Variants in DPYD observed in about 807,000 individuals in gnomAD.
DPYD encodes dihydropyrimidine dehydrogenase.
Under a neutral mutation model 116.2 loss-of-function variants are expected in DPYD, and 109 were observed. The observed-to-expected ratio is 0.94, with a 90% CI of 0.80 to 1.10. The LOEUF (loss-of-function observed/expected upper bound fraction) is 1.10. Among genes scored for constraint, DPYD ranks in the 50% least tolerant of loss-of-function variants. DPYD has a pLI of 0.00. For synonymous variants in DPYD, 440 were observed against 432.0 expected, an observed-to-expected ratio of 1.02 and a Z score of -0.23; for missense variants, 1,302 against 1,254.5, an observed-to-expected ratio of 1.04 and a Z score of -0.57.
chr1:97,580,051 T>C (rs1653534270), intron 10 of DPYD, among the ~76,000 whole-genome samples: 1 of 152,212 alleles, frequency 6.6e-6, no homozygotes. Flanking sequence ...CATCATACTC[T>C]AGAAATTATG....
intron 3 of DPYD, among the ~76,000 whole-genome samples, chr1:97,768,009 T>C (rs1390289333): frequency 6.6e-6 from 1 of 152,120 alleles, no homozygotes; most frequent in African/African-American, 2.4e-5. Flanking sequence ...TAGAAGAGTA[T>C]CTGATTTTTA....
intron 17 of DPYD, among the ~76,000 whole-genome samples, chr1:97,305,617 G>A (rs74104345): frequency 1.5e-3 from 224 of 152,000 alleles, no homozygotes; most frequent in African/African-American, 5.3e-3. Flanking sequence ...GTTACCAAAT[G>A]TTTTGTATTT....
chr1:97,205,897 C>A (rs1205743283), intron 19 of DPYD, among the ~76,000 whole-genome samples: 6 of 152,050 alleles, frequency 3.9e-5, no homozygotes, highest in Admixed American at 2.6e-4. Context: ...TCTTGTTGAA[C>A]TCTCACACAA....
At chr1:97,444,549 T>C (rs915255522) in intron 14 of DPYD, among the ~76,000 whole-genome samples, 1 of 152,174 alleles carries the variant, frequency 6.6e-6, no homozygotes, top group Non-Finnish European at 1.5e-5. Flanking sequence ...GTGTATGTAG[T>C]AGAATCAATT....
chr1:97,458,170 T>A (rs565175926), intron 13 of DPYD, among the ~76,000 whole-genome samples: 90 of 152,174 alleles, frequency 5.9e-4, no homozygotes, highest in Non-Finnish European at 1.0e-3. Context: ...TATCTTCAAG[T>A]ATTAGAGCAG....
intron 4 of DPYD, 90 bp downstream of exon 4, chr1:97,740,302 G>T: frequency 9.1e-7 from 1 of 1,093,296 alleles, no homozygotes; most frequent in African/African-American, 1.5e-5. Flanking sequence ...AACTGGATTT[G>T]CTAAGACAAG....
At chr1:97,282,461 T>A (rs1570419895) in intron 18 of DPYD, among the ~76,000 whole-genome samples, 1 of 152,106 alleles carries the variant, frequency 6.6e-6, no homozygotes, top group African/African-American at 2.4e-5. Context: ...AATATTATTT[T>A]ATGACTCTAA....
At chr1:97,834,811 T>C (rs1669690023) in intron 2 of DPYD, among the ~76,000 whole-genome samples, 1 of 151,120 alleles carries the variant, frequency 6.6e-6, no homozygotes, top group Non-Finnish European at 1.5e-5. Context: ...TTCTGGAAAA[T>C]GTTGTATCTT....
intron 16 of DPYD, among the ~76,000 whole-genome samples, chr1:97,309,331 T>TTGTG (rs59669909): frequency 0.23 from 33,778 of 147,434 alleles, 3,878 homozygotes; most frequent in Middle Eastern, 0.28. Flanking sequence ...GTTGCTTGTC[T>TTGTG]TGTGTGTGTG....
At position 97,494,559 on chromosome 1, in the gene DPYD, A is replaced by G. The variant is rs544224657; in HGVS notation, c.1740+21167T>C. Among the ~76,000 whole-genome samples the G allele has an allele frequency of 3.0e-4, 45 of 152,196 alleles. 1 individual carries two copies. The South Asian group carries it at 7.1e-3, about 24-fold the overall frequency. On this transcript the variant is annotated intron_variant, in intron 13 of 22. Transcript: ENST00000370192. Reference sequence around the variant, plus strand: ...GAACACAACTTTAAGCCTGGGCAACATGGCAAGACCCCAAATCTATGAAAA... The same window carrying G: ...GAACACAACTTTAAGCCTGGGCAACGTGGCAAGACCCCAAATCTATGAAAA...
At chr1:97,702,368 GAT>G (rs1661645291) in intron 5 of DPYD, among the ~76,000 whole-genome samples, 1 of 151,648 alleles carries the variant, frequency 6.6e-6, no homozygotes, top group African/African-American at 2.4e-5. Flanking sequence ...AGGGAACAGA[GAT>G]ATAGCTAATT....
At chr1:97,592,259 C>T (rs1654574030) in intron 10 of DPYD, among the ~76,000 whole-genome samples, 2 of 152,098 alleles carry the variant, frequency 1.3e-5, no homozygotes, top group East Asian at 1.9e-4. Flanking sequence ...TATTATATTT[C>T]TCTAATAGCA....
intron 20 of DPYD, among the ~76,000 whole-genome samples, chr1:97,133,608 T>A (rs1653499147): frequency 6.6e-6 from 1 of 152,128 alleles, no homozygotes; most frequent in African/African-American, 2.4e-5. Flanking sequence ...CTATACCATA[T>A]CACAGAGCAC....
chr1:97,243,678 T>C (rs1662527735), intron 18 of DPYD, among the ~76,000 whole-genome samples: 1 of 151,888 alleles, frequency 6.6e-6, no homozygotes, highest in Admixed American at 6.6e-5. Flanking sequence ...AAAATCAACA[T>C]TATAGAAAAA....
chr1:97,467,023 G>T (rs1020011206), intron 13 of DPYD, among the ~76,000 whole-genome samples: 1 of 152,178 alleles, frequency 6.6e-6, no homozygotes, highest in East Asian at 1.9e-4. Flanking sequence ...CACCTAGCTA[G>T]CCTTGAGAAG....
chr1:97,196,307 T>C (rs1658804962), intron 19 of DPYD, among the ~76,000 whole-genome samples: 1 of 151,782 alleles, frequency 6.6e-6, no homozygotes, highest in South Asian at 2.1e-4. Flanking sequence ...TATTTATTCT[T>C]ATAGAGATGA....
At chr1:97,910,398 C>A (rs1673879135) in intron 1 of DPYD, among the ~76,000 whole-genome samples, 1 of 151,934 alleles carries the variant, frequency 6.6e-6, no homozygotes, top group Non-Finnish European at 1.5e-5. Context: ...TCACTGAAGT[C>A]AAACAATAGG....
chr1:97,769,322 G>A (rs542874817), intron 3 of DPYD, among the ~76,000 whole-genome samples: 1 of 151,970 alleles, frequency 6.6e-6, no homozygotes, highest in Non-Finnish European at 1.5e-5. Flanking sequence ...TCAACAAGGT[G>A]GTAACAGGCT....
At chr1:97,680,840 T>G (rs1376079670) in intron 7 of DPYD, among the ~76,000 whole-genome samples, 1 of 152,084 alleles carries the variant, frequency 6.6e-6, no homozygotes, top group East Asian at 1.9e-4. Flanking sequence ...AGAGATCCAG[T>G]TATCAAGTAT....
Sources: allele counts gnomAD v4.1 joint callset (sites outside exome capture counted in the v4.1 genomes callset), GRCh38; gene constraint gnomAD v4.1.1; transcripts MANE v1.5; gene names NCBI Gene and HGNC (gene_info 2026-07-23, HGNC 2026-07-21).